The following KANSL1 variants were observed in gnomAD, a reference collection of about 807,000 sequenced individuals.
The protein encoded by KANSL1 is MLL1/MLL complex subunit KANSL1.
A neutral mutation model predicts 103.6 loss-of-function variants in KANSL1; 22 were observed. The ratio of observed to expected loss-of-function variants is 0.21; its 90% CI spans 0.15 to 0.30. The LOEUF (loss-of-function observed/expected upper bound fraction) is 0.30. KANSL1 is among the 10% of genes least tolerant of loss of function. The pLI, the probability that KANSL1 is intolerant of heterozygous loss-of-function variation, is 1.00. For synonymous variants in KANSL1, 600 were observed against 527.6 expected, an observed-to-expected ratio of 1.14 and a Z score of -1.88; for missense variants, 1,337 against 1,399.8, an observed-to-expected ratio of 0.96 and a Z score of 0.72.
intron 6 of KANSL1, among the ~76,000 whole-genome samples, chr17:46,058,733 ACACACACACACTCTCTCTCT>A (rs1396678345): frequency 1.1e-3 from 66 of 61,300 alleles, no homozygotes; most frequent in East Asian, 3.5e-3. Context: ...ACACACACAC[ACACACACACACTCTCTCTCT>A]CTCTCTCTCT....
At chr17:46,204,794 C>T (rs2047910143) in intron 1 of KANSL1, among the ~76,000 whole-genome samples, 1 of 152,210 alleles carries the variant, frequency 6.6e-6, no homozygotes. Flanking sequence ...GGCTTAACTT[C>T]TGAAAATCAA....
At chr17:46,177,260 C>T (rs1294351156) in intron 1 of KANSL1, among the ~76,000 whole-genome samples, 2 of 152,206 alleles carry the variant, frequency 1.3e-5, no homozygotes, top group East Asian at 3.9e-4. Context: ...GTATTATTTG[C>T]ACTTTTATTA....
chr17:46,082,616 C>A, intron 3 of KANSL1, 74 bp from the exon 4 acceptor site: 1 of 824,016 alleles, frequency 1.2e-6, no homozygotes, highest in Non-Finnish European at 1.9e-6. Context: ...AGTTAAGTCT[C>A]AAAAGGACTG....
intron 1 of KANSL1, among the ~76,000 whole-genome samples, chr17:46,185,779 C>G (rs1045211536): frequency 2.6e-5 from 4 of 151,466 alleles, no homozygotes; most frequent in African/African-American, 9.7e-5. Flanking sequence ...ACCAGCTACT[C>G]TAGAAGTCAA....
In KANSL1 at chr17:46,171,314, G is replaced by C. The variant is rs747257169; in HGVS notation, c.830C>G (p.Ala277Gly). Residue 277 changes from alanine (A) to glycine (G), a missense_variant, in exon 2 of 15, where the codon GCT becomes GGT. Coordinates refer to ENST00000432791, the MANE Select transcript of KANSL1 (RefSeq NM_015443.4). ...TGTTATCCTTGTGTCAGAATCTAAAGCACTGAAAAGAATGGAAGACAGGGG... is the reference window on the plus strand; with the variant it reads ...TGTTATCCTTGTGTCAGAATCTAAACCACTGAAAAGAATGGAAGACAGGGG... ...KSPLSSILFS[A>G]LDSDTRITAL... The C allele has an allele frequency of 6.2e-7, 1 of 1,614,130 alleles. No homozygotes were observed. Among genetic ancestry groups the C allele is most frequent in the Admixed American group, 1.7e-5 (1 of 60,014 alleles).
chr17:46,199,986 C>G (rs142191650), intron 1 of KANSL1, among the ~76,000 whole-genome samples: 1 of 151,996 alleles, frequency 6.6e-6, no homozygotes, highest in Admixed American at 6.6e-5. Flanking sequence ...CTAGTGCAAG[C>G]AGTTTAAGCA....
At chr17:46,091,899 C>CCCTGTCTCCCAGGTTCAAGTGATTCT (rs2079406607) in intron 3 of KANSL1, among the ~76,000 whole-genome samples, 1 of 151,280 alleles carries the variant, frequency 6.6e-6, no homozygotes, top group African/African-American at 2.4e-5. Flanking sequence ...GCTCACTGCA[C>CCCTGTCTCCCAGGTTCAAGTGATTCT]CCTGTCTCCC....
chr17:46,197,541 G>A (rs1356227712), upstream of KANSL1, among the ~76,000 whole-genome samples: 1 of 152,234 alleles, frequency 6.6e-6, no homozygotes, highest in African/African-American at 2.4e-5. Flanking sequence ...TACTCGGGAG[G>A]CTGAGGCATG....
intron 2 of KANSL1, among the ~76,000 whole-genome samples, chr17:46,125,073 GGAGGGAGGGAGA>G (rs1422442543): frequency 4.7e-5 from 2 of 42,822 alleles, no homozygotes; most frequent in Non-Finnish European, 1.2e-4. Flanking sequence ...GAGGGAGGAG[GGAGGGAGGGAGA>G]GAGGGAGGGA....
At chr17:46,175,729 G>A (rs1427418598) in intron 1 of KANSL1, among the ~76,000 whole-genome samples, 1 of 152,210 alleles carries the variant, frequency 6.6e-6, no homozygotes, top group South Asian at 2.1e-4. Context: ...AGATTTTCAG[G>A]GCTTATGTAG....
intron 2 of KANSL1, among the ~76,000 whole-genome samples, chr17:46,104,612 TGA>T (rs1395762638): frequency 3.3e-5 from 5 of 152,206 alleles, no homozygotes; most frequent in Non-Finnish European, 5.9e-5. Context: ...ATAAACAATA[TGA>T]GAGAGTTTTA....
chr17:46,219,873 T>C (rs1286140829), intron 1 of KANSL1, among the ~76,000 whole-genome samples: 1 of 152,108 alleles, frequency 6.6e-6, no homozygotes, highest in Non-Finnish European at 1.5e-5. Flanking sequence ...GGAGGCCGAG[T>C]TGGGCGGATC....
intron 1 of KANSL1, among the ~76,000 whole-genome samples, chr17:46,201,109 G>A (rs1015962403): frequency 3.9e-5 from 6 of 152,046 alleles, no homozygotes; most frequent in Non-Finnish European, 5.9e-5. Context: ...ACGGAGTTTC[G>A]CCATGTTGGT....
upstream of KANSL1, among the ~76,000 whole-genome samples, chr17:46,196,943 CA>C (rs989860438): frequency 6.6e-6 from 1 of 151,976 alleles, no homozygotes; most frequent in African/African-American, 2.4e-5. Flanking sequence ...TTCATCTCTT[CA>C]AAAAATAAAT....
intron 2 of KANSL1, among the ~76,000 whole-genome samples, chr17:46,128,640 G>A (rs1034078468): frequency 1.3e-5 from 2 of 152,226 alleles, no homozygotes; most frequent in African/African-American, 4.8e-5. Flanking sequence ...AGGAGATCTG[G>A]ATTAAAGCTT....
At chr17:46,190,384 T>C (rs2047257296) in intron 1 of KANSL1, among the ~76,000 whole-genome samples, 1 of 152,146 alleles carries the variant, frequency 6.6e-6, no homozygotes, top group Non-Finnish European at 1.5e-5. Flanking sequence ...AGAAAGAAAA[T>C]CAGACAAAAA....
intron 4 of KANSL1, 81 bp downstream of exon 4, chr17:46,082,360 C>A: frequency 1.2e-6 from 1 of 828,400 alleles, no homozygotes; most frequent in Non-Finnish European, 2.0e-6. Context: ...TGCAAGGATC[C>A]TAGTTACAGA....
At chr17:46,107,383 A>T (rs1226377407) in intron 2 of KANSL1, among the ~76,000 whole-genome samples, 6 of 152,092 alleles carry the variant, frequency 3.9e-5, no homozygotes. Flanking sequence ...GTCACCAATG[A>T]CCTCCACTGT....
chr17:46,101,077 A>G (rs2042293604), intron 2 of KANSL1, among the ~76,000 whole-genome samples: 1 of 151,600 alleles, frequency 6.6e-6, no homozygotes, highest in African/African-American at 2.4e-5. Context: ...TGAAATCTCC[A>G]GGTTATTTAG....
Sources: allele counts gnomAD v4.1 joint callset (sites outside exome capture counted in the v4.1 genomes callset), GRCh38; gene constraint gnomAD v4.1.1; transcripts MANE v1.5; gene names NCBI Gene and HGNC (gene_info 2026-07-23, HGNC 2026-07-21).